SLC12A2: variants seen among roughly 807,000 people sequenced by gnomAD.
The protein encoded by SLC12A2 is solute carrier family 12 member 2.
In SLC12A2, 67 loss-of-function variants were observed where a neutral mutation model predicts 136.3. The ratio of observed to expected loss-of-function variants is 0.49; its 90% CI spans 0.40 to 0.60. SLC12A2 has a LOEUF of 0.60. Ranked by LOEUF, SLC12A2 falls within the 20% of genes least tolerant of loss-of-function variation. The pLI, the probability that SLC12A2 is intolerant of heterozygous loss-of-function variation, is 0.00. For synonymous variants in SLC12A2, 619 were observed against 562.9 expected (o/e 1.10, Z -1.41); for missense variants, 1,322 against 1,534.7 (o/e 0.86, Z 2.32).
At chr5:128,161,850 C>T (rs370482238) in intron 17 of SLC12A2, 50 bp downstream of exon 17, 39 of 1,144,738 alleles carry the variant, frequency 3.4e-5, no homozygotes, top group Non-Finnish European at 4.5e-5. Context: ...TTTGTATAAG[C>T]TTTTTAAAAC....
Position 128,084,295 on chromosome 5 carries a change from A to C in SLC12A2, c.341A>C (p.Lys114Thr). 4.0e-6 allele frequency: 6 copies of C among 1,497,330 alleles called. No homozygotes were observed. The highest frequency in any genetic ancestry group is 5.3e-6 in the Non-Finnish European group (6 of 1,129,326). 92.8% of individuals were successfully genotyped at this position (1,497,330 alleles called of 1,614,324 possible). A position where few individuals can be genotyped will look rare whatever the true frequency, so the allele number is the denominator to read the frequency against. The change falls in exon 1 of 27, where the codon AAG becomes ACG. Residue 114 changes from lysine to threonine, a missense_variant. This residue lies in a region of SLC12A2 where 358 missense variants were observed against 299.7 expected (regional missense o/e 1.19). Coordinates refer to ENST00000262461, the MANE Select transcript of SLC12A2 (RefSeq NM_001046.3). This position sits in a 1 kb window ranked among gnomAD's most constrained non-coding sequence, Gnocchi z 5.6. ...AAAAGAGAGA[K>T]QTPADGEASG... The stretch of plus-strand genomic sequence containing the variant: ...GCGGCTGGTGCTGGGGCGGGGGCCA[A>C]GCAGACCCCCGCGGACGGGGAAGCC...
chr5:128,114,710 A>C (rs751917119), intron 4 of SLC12A2, 29 bp downstream of exon 4: 2 of 1,277,800 alleles, frequency 1.6e-6, no homozygotes, highest in Admixed American at 1.7e-5. Flanking sequence ...AATCATCATC[A>C]TCAGATTACT....
intron 4 of SLC12A2, among the ~76,000 whole-genome samples, chr5:128,121,513 G>C (rs1761578060): frequency 6.6e-6 from 1 of 151,890 alleles, no homozygotes. Context: ...TAGTAGAGAT[G>C]GGGTTTCATT....
chr5:128,087,767 G>A (rs1178473417), intron 1 of SLC12A2, among the ~76,000 whole-genome samples: 1 of 152,138 alleles, frequency 6.6e-6, no homozygotes, highest in East Asian at 1.9e-4. Flanking sequence ...GATTACTGTG[G>A]TCTGGTTGAG....
intron 4 of SLC12A2, among the ~76,000 whole-genome samples, chr5:128,120,617 C>T (rs1761525611): frequency 6.6e-6 from 1 of 151,176 alleles, no homozygotes; most frequent in Non-Finnish European, 1.5e-5. Flanking sequence ...GGACAAAAAA[C>T]CAAACACTGC....
At chr5:128,112,290 T>C (rs1291589796) in intron 1 of SLC12A2, among the ~76,000 whole-genome samples, 1 of 152,186 alleles carries the variant, frequency 6.6e-6, no homozygotes, top group African/African-American at 2.4e-5. Context: ...ACTGAGTCAC[T>C]GCAGACAAGG....
chr5:128,125,629 A>C (rs1413147619), intron 4 of SLC12A2, among the ~76,000 whole-genome samples: 1 of 151,580 alleles, frequency 6.6e-6, no homozygotes, highest in Non-Finnish European at 1.5e-5. Flanking sequence ...TTTCTTAATC[A>C]TGTCTTTCAG....
intron 4 of SLC12A2, among the ~76,000 whole-genome samples, chr5:128,123,714 GT>G (rs958841008): frequency 2.0e-5 from 3 of 152,106 alleles, no homozygotes; most frequent in Non-Finnish European, 4.4e-5. Flanking sequence ...ATGATTTATA[GT>G]TTTTTTGTCT....
At chr5:128,114,442 A>G in intron 3 of SLC12A2, 144 bp from the exon 4 acceptor site, 1 of 824,954 alleles carries the variant, frequency 1.2e-6, no homozygotes, top group Non-Finnish European at 1.9e-6. Context: ...CATAATTCTG[A>G]TTTGGTTTTT....
intron 15 of SLC12A2, among the ~76,000 whole-genome samples, chr5:128,153,474 G>A (rs554419024): frequency 2.0e-5 from 3 of 152,248 alleles, no homozygotes; most frequent in East Asian, 1.9e-4. Context: ...AGAATGGCTC[G>A]AACCCAGGAG....
chr5:128,176,794 A>AG (rs1434291780), intron 20 of SLC12A2, among the ~76,000 whole-genome samples: 1 of 152,076 alleles, frequency 6.6e-6, no homozygotes, highest in Non-Finnish European at 1.5e-5. Flanking sequence ...CCACAGTTCA[A>AG]CATCTTCTCA....
chr5:128,184,962 G>A, intron 26 of SLC12A2, 106 bp downstream of exon 26: 1 of 992,910 alleles, frequency 1.0e-6, no homozygotes, highest in South Asian at 1.7e-5. Context: ...TTGACTTAGT[G>A]GTTATAAGGA....
At chr5:128,100,117 C>T (rs1011190694) in intron 1 of SLC12A2, among the ~76,000 whole-genome samples, 4 of 152,074 alleles carry the variant, frequency 2.6e-5, no homozygotes, top group African/African-American at 7.2e-5. Context: ...AGAAATGCAT[C>T]GCACTGTGCT....
chr5:128,143,919 T>TTATTATAAATATAATAAAATTATG (rs1762447636), intron 10 of SLC12A2, among the ~76,000 whole-genome samples: 3 of 149,686 alleles, frequency 2.0e-5, no homozygotes, highest in African/African-American at 7.3e-5. Flanking sequence ...ATAAAATTAT[T>TTATTATAAATATAATAAAATTATG]TATTATAAAT....
chr5:128,160,389 A>G (rs1393419195), intron 16 of SLC12A2, among the ~76,000 whole-genome samples: 3 of 152,086 alleles, frequency 2.0e-5, no homozygotes, highest in Admixed American at 1.3e-4. Flanking sequence ...AAAGTTTTAT[A>G]TATATATGTT....
At chr5:128,094,277 T>G (rs1194122521) in intron 1 of SLC12A2, among the ~76,000 whole-genome samples, 1 of 151,338 alleles carries the variant, frequency 6.6e-6, no homozygotes, top group Non-Finnish European at 1.5e-5. Flanking sequence ...TATTGAATAA[T>G]AGGCCTAATT....
rs58191870 is a variant in SLC12A2, at chr5:128,088,007, CTGTGTGTGTG to C, written c.756+3321_756+3330del. ...TATTCCAAGAGTCGTGGAGGAGGCT[CTGTGTGTGTG>C]TGTGTGTGTGTGTGTGTGTGTGTCT... is the stretch of plus-strand genomic sequence containing the variant. On this transcript the variant is annotated intron_variant, in intron 1 of 26. Transcript: ENST00000262461. Among the ~76,000 whole-genome samples, 50 of 140,288 alleles carry C rather than the reference CTGTGTGTGTG, an allele frequency of 3.6e-4. 1 individual carries two copies. Among genetic ancestry groups the C allele is most frequent in the African/African-American group, 1.1e-3 (41 of 37,564 alleles). 92.0% of individuals were successfully genotyped at this position (140,288 alleles called of 152,430 possible).
At chr5:128,159,627 CAT>C (rs1205610010) in intron 16 of SLC12A2, among the ~76,000 whole-genome samples, 9 of 152,052 alleles carry the variant, frequency 5.9e-5, no homozygotes, top group African/African-American at 2.2e-4. Context: ...GGTCAACAAA[CAT>C]ATGAAAAAAA....
At chr5:128,116,680 A>G (rs976605573) in intron 4 of SLC12A2, among the ~76,000 whole-genome samples, 6 of 152,180 alleles carry the variant, frequency 3.9e-5, no homozygotes, top group African/African-American at 1.2e-4. Context: ...TAGAAGATAA[A>G]AGAGAAAGTT....
Sources: gnomAD v4.1 joint callset for allele counts (sites outside exome capture counted in the v4.1 genomes callset) on GRCh38, gnomAD v4.1.1 for gene constraint, gnomAD v4.1.1 regional missense constraint, Gnocchi (gnomAD v3.1) non-coding constraint, MANE v1.5 for transcripts, NCBI Gene and HGNC (gene_info 2026-07-23, HGNC 2026-07-21) for gene names.